Variants in ATP8B1 observed in about 807,000 individuals in gnomAD.
The protein encoded by ATP8B1 is phospholipid-transporting ATPase IC.
ATP8B1 carries 80 observed loss-of-function variants against 149.9 expected under a neutral mutation model. That is an observed-to-expected ratio of 0.53 (90% CI 0.45 to 0.64). The LOEUF (loss-of-function observed/expected upper bound fraction) is 0.64. Ranked by LOEUF, ATP8B1 falls within the 30% of genes least tolerant of loss-of-function variation. The probability of loss-of-function intolerance (pLI) is 0.00; values close to 1 mark genes in which losing one functional copy is unlikely to be tolerated. For missense variants in ATP8B1, 1,247 were observed against 1,552.6 expected, an observed-to-expected ratio of 0.80 and a Z score of 3.31; for synonymous variants, 536 against 562.8, an observed-to-expected ratio of 0.95 and a Z score of 0.67.
At chr18:57,671,076 C>T (rs1911195179) in intron 17 of ATP8B1, among the ~76,000 whole-genome samples, 1 of 152,204 alleles carries the variant, frequency 6.6e-6, no homozygotes. Flanking sequence ...GTCATCCTGT[C>T]ACATATGAAT....
intron 13 of ATP8B1, 105 bp from the exon 14 acceptor site, chr18:57,685,220 C>T: frequency 1.7e-6 from 2 of 1,210,878 alleles, no homozygotes; most frequent in Non-Finnish European, 2.4e-6. Context: ...CCATATACGG[C>T]CTGGACAGGC....
Position 57,802,802 on chromosome 18 carries a change from G to A in ATP8B1, c.-26+196C>T, listed in dbSNP as rs1348880166. On this transcript the variant is annotated intron_variant, in intron 1 of 27. Coordinates refer to ENST00000648908, the MANE Select transcript of ATP8B1 (RefSeq NM_001374385.1). The surrounding 1 kb of genome is among the most constrained non-coding windows in gnomAD (Gnocchi z 4.9). ...CAGCCGGCCGTGTCTCGCCGTCCCC[G>A]AGGCCTCGGGGGCTCCCAGCACCTC... is the stretch of plus-strand genomic sequence containing the variant. 6.6e-6 allele frequency among the ~76,000 whole-genome samples: 1 copy of A among 152,104 alleles called. No individual in the cohort carries two copies. The highest frequency in any genetic ancestry group is 1.5e-5 in the Non-Finnish European group (1 of 68,008).
intron 2 of ATP8B1, among the ~76,000 whole-genome samples, chr18:57,728,258 G>A: frequency 6.7e-6 from 1 of 150,046 alleles, no homozygotes; most frequent in Admixed American, 6.6e-5. Flanking sequence ...CCTGGTGTTA[G>A]TCTGGTGGTA....
At chr18:57,696,849 A>T (rs1052237834) in intron 8 of ATP8B1, among the ~76,000 whole-genome samples, 1 of 152,228 alleles carries the variant, frequency 6.6e-6, no homozygotes, top group African/African-American at 2.4e-5. Context: ...AGTGCCGGCA[A>T]CCTCGTGAGC....
chr18:57,722,396 TA>T (rs1164121470), intron 2 of ATP8B1, among the ~76,000 whole-genome samples: 1 of 141,210 alleles, frequency 7.1e-6, no homozygotes, highest in African/African-American at 2.6e-5. Context: ...ATAGACACAA[TA>T]AAAAATGATA....
At chr18:57,764,419 C>CTCTTTCTTTCTT (rs34664757) in intron 1 of ATP8B1, among the ~76,000 whole-genome samples, 1 of 145,316 alleles carries the variant, frequency 6.9e-6, no homozygotes, top group African/African-American at 2.6e-5. Flanking sequence ...CTCTCTTTCT[C>CTCTTTCTTTCTT]TCTTTCTTTC....
chr18:57,758,190 G>A (rs1307610516), intron 1 of ATP8B1, among the ~76,000 whole-genome samples: 1 of 152,090 alleles, frequency 6.6e-6, no homozygotes, highest in Non-Finnish European at 1.5e-5. Context: ...TTTTGAATAT[G>A]TAGGACATTA....
Position 57,655,043 on chromosome 18 carries a change from G to A in ATP8B1, c.2931+151C>T, listed in dbSNP as rs113348435. 169 of 747,420 alleles carry A rather than the reference G, an allele frequency of 2.3e-4. No individual in the cohort carries two copies. The African/African-American group carries it at 2.6e-3, about 11-fold the overall frequency. 46.3% of individuals were successfully genotyped at this position (747,420 alleles called of 1,614,324 possible). A position where few individuals can be genotyped will look rare whatever the true frequency, so the allele number is the denominator to read the frequency against. ...TACAGCACCAGAAACATTTAGAGAAGTCATGATCATTCTTAATTATGCCCC... is the reference window on the plus strand; with the variant it reads ...TACAGCACCAGAAACATTTAGAGAAATCATGATCATTCTTAATTATGCCCC... On this transcript the variant is annotated intron_variant, in intron 23 of 27. Coordinates refer to ENST00000648908, the MANE Select transcript of ATP8B1 (RefSeq NM_001374385.1).
chr18:57,762,139 ATATTT>A (rs1568059783), intron 1 of ATP8B1, among the ~76,000 whole-genome samples: 1 of 78,674 alleles, frequency 1.3e-5, no homozygotes, highest in African/African-American at 6.1e-5. Context: ...ATATATATAT[ATATTT>A]TTTTTTTCTT....
intron 1 of ATP8B1, among the ~76,000 whole-genome samples, chr18:57,764,756 TCAAAA>T (rs1390347562): frequency 6.0e-5 from 4 of 66,430 alleles, no homozygotes; most frequent in African/African-American, 2.7e-4. Context: ...CTTTCAGTTG[TCAAAA>T]AAAAAAAAAA....
At chr18:57,729,976 T>C (rs9973058) in intron 2 of ATP8B1, among the ~76,000 whole-genome samples, 1,892 of 152,164 alleles carry the variant, frequency 0.012, 38 homozygotes, top group African/African-American at 0.043. Flanking sequence ...TAAGAGGTAA[T>C]CCATCTAAAT....
chr18:57,752,920 T>C (rs1165768729), intron 1 of ATP8B1, among the ~76,000 whole-genome samples: 1 of 152,212 alleles, frequency 6.6e-6, no homozygotes, highest in Non-Finnish European at 1.5e-5. Flanking sequence ...ATCCAGGTTC[T>C]CAGAAATGAC....
intron 2 of ATP8B1, among the ~76,000 whole-genome samples, chr18:57,727,765 C>T (rs138460712): frequency 3.3e-5 from 5 of 152,168 alleles, no homozygotes; most frequent in South Asian, 2.1e-4. Flanking sequence ...CCAGTCTGGG[C>T]GACAGAGAGA....
chr18:57,658,665 GTGTT>G (rs1329693009), intron 22 of ATP8B1, among the ~76,000 whole-genome samples: 1 of 142,110 alleles, frequency 7.0e-6, no homozygotes, highest in Non-Finnish European at 1.5e-5. Context: ...GTGTGTGTGT[GTGTT>G]CTTTTTTGTT....
intron 1 of ATP8B1, among the ~76,000 whole-genome samples, chr18:57,790,490 A>G (rs1231873230): frequency 6.6e-6 from 1 of 152,102 alleles, no homozygotes; most frequent in Non-Finnish European, 1.5e-5. Flanking sequence ...TGTCACACCC[A>G]GTATTCTGGC....
chr18:57,753,320 A>G (rs9958388), intron 1 of ATP8B1, among the ~76,000 whole-genome samples: 129,109 of 152,282 alleles, frequency 0.85, 55,465 homozygotes, highest in African/African-American at 0.96. Context: ...ATAATATGGA[A>G]AGAGAGGAAG....
intron 1 of ATP8B1, among the ~76,000 whole-genome samples, chr18:57,792,832 C>T (rs1401487497): frequency 6.6e-6 from 1 of 152,026 alleles, no homozygotes; most frequent in East Asian, 1.9e-4. Flanking sequence ...AGCTTAACCT[C>T]CCAATTAGGC....
intron 1 of ATP8B1, among the ~76,000 whole-genome samples, chr18:57,756,293 G>GTATATATATATATATATATATA (rs755702972): frequency 3.4e-5 from 3 of 87,120 alleles, no homozygotes; most frequent in African/African-American, 8.9e-5. Context: ...ATATATGTGT[G>GTATATATATATATATATATATA]TGTGTATGTA....
In ATP8B1 at chr18:57,667,143, G is replaced by A. The variant is rs771028843; in HGVS notation, c.2234C>T (p.Ala745Val). The change falls in exon 20 of 28, where the codon GCT (alanine) becomes GTT (valine). Residue 745 changes from alanine (A) to valine (V), a missense_variant. Ala to Val is a moderately conservative substitution (Grantham distance 64, BLOSUM62 0). Around this residue, in one of 3 missense-constraint regions of ATP8B1, gnomAD observed 853 missense variants for 1,035.7 expected, o/e 0.82. Transcript: ENST00000648908. ...GGTGTCTTCAGTCAGAAGTTCACAA[G>A]CAAATCCTATATTTTCAGCAGTTTC... Reference protein sequence around the residue: ...KKETAENIGFACELLTEDTTI... With the variant: ...KKETAENIGFVCELLTEDTTI... The A allele has an allele frequency of 6.2e-7, 1 of 1,612,762 alleles. No homozygotes were observed. The highest frequency in any genetic ancestry group is 2.2e-5 in the East Asian group (1 of 44,876).
Sources: allele counts gnomAD v4.1 joint callset (sites outside exome capture counted in the v4.1 genomes callset), GRCh38; gene constraint gnomAD v4.1.1; regional missense constraint gnomAD v4.1.1; non-coding constraint Gnocchi (gnomAD v3.1); transcripts MANE v1.5; gene names NCBI Gene and HGNC (gene_info 2026-07-23, HGNC 2026-07-21).